EPHA8: variants seen among roughly 807,000 people sequenced by gnomAD.
EPHA8 encodes the protein EPH receptor A8, also known as ephrin type-A receptor 8.
In EPHA8, 58 loss-of-function variants were observed where a neutral mutation model predicts 103.6. The observed-to-expected ratio is 0.56, with a 90% CI of 0.45 to 0.70. The LOEUF is 0.70. Among genes scored for constraint, EPHA8 ranks in the 30% least tolerant of loss-of-function variants. The pLI is 0.00. For missense variants in EPHA8, 1,304 were observed against 1,395.2 expected (o/e 0.93, Z 1.04); for synonymous variants, 559 against 572.5 (o/e 0.98, Z 0.34).
intron 13 of EPHA8, among the ~76,000 whole-genome samples, chr1:22,600,280 G>C (rs911158791): frequency 6.6e-6 from 1 of 150,498 alleles, no homozygotes; most frequent in East Asian, 2.0e-4. Context: ...AGGAAGGAAG[G>C]GATGAGGAAA....
Position 22,569,446 on chromosome 1 carries a change from C to G in EPHA8, c.159+93C>G, listed in dbSNP as rs1640461324. The G allele has an allele frequency of 7.3e-7, 1 of 1,362,562 alleles. No individual in the cohort carries two copies. The allele number at this position is 1,362,562 out of a possible 1,614,324, so 84.4% of individuals were successfully genotyped here. A position where few individuals can be genotyped will look rare whatever the true frequency, so the allele number is the denominator to read the frequency against. On this transcript the variant is annotated intron_variant, in intron 2 of 16. Transcript: ENST00000166244. This position sits in a 1 kb window ranked among gnomAD's most constrained non-coding sequence, Gnocchi z 4.5. ...CTGCATGAGATAGATCAAAAGGAAG[C>G]AGAGGCCCAGAGAGGTCAAGGGACT...
At chr1:22,578,209 T>G (rs62653705) in intron 3 of EPHA8, among the ~76,000 whole-genome samples, 15 of 124,218 alleles carry the variant, frequency 1.2e-4, no homozygotes, top group African/African-American at 4.5e-4. Context: ...CGTGCGAGTG[T>G]GTGCGTGTGA....
At chr1:22,577,122 C>T (rs1640730902) in intron 3 of EPHA8, among the ~76,000 whole-genome samples, 1 of 152,132 alleles carries the variant, frequency 6.6e-6, no homozygotes, top group African/African-American at 2.4e-5. Flanking sequence ...AAACAGACCC[C>T]AGCGAGGCGG....
At chr1:22,599,668 G>GA (rs1641631229) in intron 13 of EPHA8, among the ~76,000 whole-genome samples, 1 of 48,858 alleles carries the variant, frequency 2.0e-5, no homozygotes, top group Non-Finnish European at 3.4e-5. Flanking sequence ...AGGAGGGAGG[G>GA]AGGAAGGAGG....
chr1:22,601,490 G>T lies in EPHA8; in HGVS notation c.2903+17G>T. ...GAACGCCCAGTGAGTGATGGGTGGG[G>T]CTGGGGCCCCATGCGTGTGGGGGCA... On this transcript the variant is annotated intron_variant, in intron 16 of 16. Coordinates refer to ENST00000166244, the MANE Select transcript of EPHA8 (RefSeq NM_020526.5). 1 of 1,609,026 alleles carries T rather than the reference G, an allele frequency of 6.2e-7. No individual in the cohort carries two copies. The highest frequency in any genetic ancestry group is 1.1e-5 in the South Asian group (1 of 91,030).
chr1:22,599,721 AGG>A (rs1641639046), intron 13 of EPHA8, among the ~76,000 whole-genome samples: 1 of 748 alleles, frequency 1.3e-3, no homozygotes, highest in African/African-American at 4.0e-3. Flanking sequence ...GAAGGAAGGG[AGG>A]GAGGGAAGGA....
chr1:22,573,282 T>C (rs1332159938), intron 2 of EPHA8, among the ~76,000 whole-genome samples: 1 of 152,130 alleles, frequency 6.6e-6, no homozygotes, highest in Non-Finnish European at 1.5e-5. Context: ...TTCAGTATAA[T>C]ATTAGGGCCA....
Position 22,601,351 on chromosome 1 carries a change from C to G in EPHA8, c.2781C>G (p.Ser927Arg). 1 of 1,608,534 alleles carries G rather than the reference C, an allele frequency of 6.2e-7. No homozygotes were observed. Among genetic ancestry groups the G allele is most frequent in the Non-Finnish European group, 8.5e-7 (1 of 1,178,698 alleles). The change falls in exon 16 of 17, where the codon AGC becomes AGG. Residue 927 changes from serine to arginine, a missense_variant. Ser to Arg is a moderately radical substitution (Grantham distance 110). Coordinates refer to ENST00000166244, the MANE Select transcript of EPHA8 (RefSeq NM_020526.5). ...VRSCFDLRGG[S>R]GGGGGLTVGD... ...GCTGCTTTGACCTCCGAGGGGGCAG[C>G]GGTGGCGGTGGGGGCCTCACCGTGG... is the stretch of plus-strand genomic sequence containing the variant.
At position 22,593,602 on chromosome 1, in the gene EPHA8, C is replaced by T. The variant is rs182997024; in HGVS notation, c.1519C>T (p.Arg507Cys). 97 of 1,611,366 alleles carry T rather than the reference C, an allele frequency of 6.0e-5. No individual in the cohort carries two copies. In the African/African-American group the frequency reaches 9.5e-4, roughly 16 times the overall value. ...ATVSGLKPGTRYVFQVRARTS... is the reference protein window; with the variant it reads ...ATVSGLKPGTCYVFQVRARTS... ...CGTCTCCGGCCTCAAGCCGGGCACC[C>T]GCTACGTGTTCCAGGTCCGAGCCCG... The change falls in exon 7 of 17, where the codon CGC (arginine) becomes TGC (cysteine). Residue 507 changes from arginine (R) to cysteine (C), a missense_variant. By Grantham distance (180) the Arg-to-Cys change is radical. Coordinates refer to ENST00000166244, the MANE Select transcript of EPHA8 (RefSeq NM_020526.5).
chr1:22,564,351 T>C (rs1320785781), intron 1 of EPHA8, among the ~76,000 whole-genome samples: 2 of 99,372 alleles, frequency 2.0e-5, no homozygotes, highest in Non-Finnish European at 4.0e-5. Flanking sequence ...GGCGACGGGC[T>C]GGGGAGAAGA....
In EPHA8 at chr1:22,599,024, C is replaced by G. The variant is rs1641603782; in HGVS notation, c.2365C>G (p.Pro789Ala). The part of the protein sequence containing the change: ...FGLSRVLEDD[P>A]DAAYTTTGGK... ...GCTCTCACGGGTGCTGGAGGACGAC[C>G]CGGATGCTGCCTACACCACCACGGT... The change falls in exon 13 of 17, where the codon CCG becomes GCG. Residue 789 changes from proline (P) to alanine (A), a missense_variant. By Grantham distance (27) the Pro-to-Ala change is conservative (BLOSUM62 -1). Transcript: ENST00000166244. The G allele has an allele frequency of 1.9e-6, 3 of 1,608,184 alleles. No homozygotes were observed. Among genetic ancestry groups the G allele is most frequent in the Non-Finnish European group, 8.5e-7 (1 of 1,177,938 alleles).
chr1:22,599,973 G>T (rs1641661369), intron 13 of EPHA8, among the ~76,000 whole-genome samples: 1 of 97,002 alleles, frequency 1.0e-5, no homozygotes. Context: ...GGAAGGACAA[G>T]AAGGAAGGAG....
At chr1:22,594,035 C>A (rs1641449782) in intron 7 of EPHA8, among the ~76,000 whole-genome samples, 1 of 152,178 alleles carries the variant, frequency 6.6e-6, no homozygotes, top group Non-Finnish European at 1.5e-5. Flanking sequence ...GTTTCACCAT[C>A]TTGGCCAGGC....
intron 3 of EPHA8, among the ~76,000 whole-genome samples, chr1:22,577,877 CTG>C (rs986723834): frequency 1.2e-5 from 1 of 82,278 alleles, no homozygotes; most frequent in Non-Finnish European, 2.4e-5. Context: ...TTGTGTGGGC[CTG>C]TGTTCATGAG....
At chr1:22,574,791 T>C (rs1172189732) in intron 2 of EPHA8, among the ~76,000 whole-genome samples, 1 of 152,220 alleles carries the variant, frequency 6.6e-6, no homozygotes, top group African/African-American at 2.4e-5. Flanking sequence ...TTCAATTCTT[T>C]GGGATATATA....
chr1:22,568,578 T>G (rs79717304), intron 1 of EPHA8, among the ~76,000 whole-genome samples: 11,715 of 152,262 alleles, frequency 0.077, 486 homozygotes, highest in South Asian at 0.19. Context: ...CCTCTCAGGT[T>G]GTTGTGCGGG....
At position 22,595,549 on chromosome 1, in the gene EPHA8, A is replaced by G. The variant is rs1304746457; in HGVS notation, c.1697+226A>G. ...AGAGGTTAGTCTTCTTGCCAGAATC[A>G]CACAGCTGATAAATGCCAGAGCTAG... On this transcript the variant is annotated intron_variant, in intron 8 of 16. Transcript: ENST00000166244. Among the ~76,000 whole-genome samples, 2 of 152,196 alleles carry G rather than the reference A, an allele frequency of 1.3e-5. 1 individual carries two copies. Among genetic ancestry groups the G allele is most frequent in the Non-Finnish European group, 2.9e-5 (2 of 68,038 alleles).
chr1:22,573,133 G>T (rs952102866), intron 2 of EPHA8, among the ~76,000 whole-genome samples: 1 of 152,156 alleles, frequency 6.6e-6, no homozygotes, highest in South Asian at 2.1e-4. Flanking sequence ...TGGAGCAGGG[G>T]TCCTTCTTGG....
intron 15 of EPHA8, 96 bp from the exon 16 acceptor site, chr1:22,601,204 G>C: frequency 6.5e-7 from 1 of 1,530,990 alleles, no homozygotes; most frequent in South Asian, 1.3e-5. Context: ...TGGGCCCCCG[G>C]CCCCTGCCCT....
Sources: allele counts gnomAD v4.1 joint callset (sites outside exome capture counted in the v4.1 genomes callset), GRCh38; gene constraint gnomAD v4.1.1; non-coding constraint Gnocchi (gnomAD v3.1); transcripts MANE v1.5; gene names NCBI Gene and HGNC (gene_info 2026-07-23, HGNC 2026-07-21).